Variants in LMBR1L observed in about 807,000 individuals in gnomAD.
The protein encoded by LMBR1L is protein LMBR1L.
Under a neutral mutation model 67.3 loss-of-function variants are expected in LMBR1L, and 47 were observed. The observed-to-expected ratio is 0.70, with a 90% CI of 0.55 to 0.89. The LOEUF is 0.89. LMBR1L is among the 40% of genes least tolerant of loss of function. The probability of loss-of-function intolerance (pLI) is 0.00; values close to 1 mark genes in which losing one functional copy is unlikely to be tolerated. For missense variants in LMBR1L, 533 were observed against 599.2 expected (o/e 0.89, Z 1.15); for synonymous variants, 247 against 250.3 (o/e 0.99, Z 0.13).
Position 49,100,373 on chromosome 12 carries a change from C to T in LMBR1L, c.1240+15G>A. ...AAAAAATCCAATTCCTTTATCTCCTCCTTTCAATACTTACCCAGGGTTCGA... is the reference window on the plus strand; with the variant it reads ...AAAAAATCCAATTCCTTTATCTCCTTCTTTCAATACTTACCCAGGGTTCGA... On this transcript the variant is annotated intron_variant, in intron 15 of 16. Coordinates refer to ENST00000267102, the MANE Select transcript of LMBR1L (RefSeq NM_018113.4). 6.3e-7 allele frequency: 1 copy of T among 1,588,828 alleles called. No homozygotes were observed. The highest frequency in any genetic ancestry group is 8.5e-7 in the Non-Finnish European group (1 of 1,172,164).
At position 49,110,634 on chromosome 12, in the gene LMBR1L, C is replaced by T. The variant is rs1439822774; in HGVS notation, c.-79G>A. On this transcript the variant is annotated 5_prime_UTR_variant, in exon 1 of 17. Coordinates refer to ENST00000267102, the MANE Select transcript of LMBR1L (RefSeq NM_018113.4). The stretch of plus-strand genomic sequence containing the variant: ...CGGGGAGGAAGCCGCCGCCGCCAAG[C>T]ACCCAGACCCAGCCTAGGGGCCTTT... 7.9e-7 allele frequency: 1 copy of T among 1,272,164 alleles called. No homozygotes were observed. The allele number at this position is 1,272,164 out of a possible 1,614,324, so 78.8% of individuals were successfully genotyped here. A position where few individuals can be genotyped will look rare whatever the true frequency, so the allele number is the denominator to read the frequency against.
At chr12:49,100,714 C>G (rs2120922196) in intron 13 of LMBR1L, 68 bp from the exon 14 acceptor site, 1 of 1,186,958 alleles carries the variant, frequency 8.4e-7, no homozygotes, top group Non-Finnish European at 1.2e-6. Context: ...GGGAACAGAG[C>G]TCTCTCCCAG....
In LMBR1L at chr12:49,104,431, A is replaced by G. The variant is rs1455523249; in HGVS notation, c.435+17T>C. The G allele has an allele frequency of 6.6e-7, 1 of 1,521,162 alleles. No homozygotes were observed. Among genetic ancestry groups the G allele is most frequent in the South Asian group, 1.1e-5 (1 of 88,882 alleles). 94.2% of individuals were successfully genotyped at this position (1,521,162 alleles called of 1,614,324 possible). A position where few individuals can be genotyped will look rare whatever the true frequency, so the allele number is the denominator to read the frequency against. On this transcript the variant is annotated intron_variant, in intron 5 of 16. Coordinates refer to ENST00000267102, the MANE Select transcript of LMBR1L (RefSeq NM_018113.4). ...GTGGAATTCCGTTTCCTGCCTGGAT[A>G]CATATCCCCTACTTACCTTTCTGGA...
chr12:49,110,545 G>A lies in LMBR1L; in HGVS notation c.11C>T (p.Pro4Leu). 6.2e-7 allele frequency: 1 copy of A among 1,613,980 alleles called. No homozygotes were observed. The highest frequency in any genetic ancestry group is 1.1e-5 in the South Asian group (1 of 91,080). MEA[P>L]DYEVLSVREQ... ...TCGCACGGATAGCACTTCGTAGTCA[G>A]GTGCTTCCATACTCTGCTCAGCATG... The change falls in exon 1 of 17, where the codon CCT becomes CTT. Residue 4 changes from proline to leucine, a missense_variant. Physicochemically the swap from Pro to Leu is moderately conservative, Grantham distance 98. This residue lies in a region of LMBR1L where 246 missense variants were observed against 249.0 expected (regional missense o/e 0.99). Transcript: ENST00000267102.
chr12:49,100,327 C>T (rs2120913321), intron 15 of LMBR1L, 61 bp downstream of exon 15: 1 of 1,305,880 alleles, frequency 7.7e-7, no homozygotes, highest in Non-Finnish European at 1.1e-6. Flanking sequence ...AAAGTGCCTG[C>T]TTTGCATCAG....
intron 16 of LMBR1L, 52 bp downstream of exon 16, chr12:49,097,892 T>C (rs1437432753): frequency 1.3e-6 from 2 of 1,588,934 alleles, no homozygotes; most frequent in Admixed American, 1.7e-5. Context: ...TGTTCCAGAG[T>C]GTCCTAGATG....
At chr12:49,103,615 ACAGTCATTC>A in intron 6 of LMBR1L, 63 bp downstream of exon 6, 1 of 1,534,734 alleles carries the variant, frequency 6.5e-7, no homozygotes, top group Non-Finnish European at 8.8e-7. Flanking sequence ...TTAGAAGGTT[ACAGTCATTC>A]CAGGCAGGGG....
chr12:49,097,236 C>A lies in LMBR1L; in HGVS notation c.*436G>T, dbSNP rs894238847. Reference sequence around the variant, plus strand: ...TGGTCTTTCAGGTGGTCCAAAGCCCCTCCAGGATAGCACAGTGCTTAGGCT... The same window carrying A: ...TGGTCTTTCAGGTGGTCCAAAGCCCATCCAGGATAGCACAGTGCTTAGGCT... On this transcript the variant is annotated 3_prime_UTR_variant, in exon 17 of 17. Coordinates refer to ENST00000267102, the MANE Select transcript of LMBR1L (RefSeq NM_018113.4). 37 of 169,738 alleles carry A rather than the reference C, an allele frequency of 2.2e-4. 1 individual carries two copies. The highest frequency in any genetic ancestry group is 8.5e-4 in the African/African-American group (36 of 42,322). The allele number at this position is 169,738 out of a possible 1,614,324, so 10.5% of individuals were successfully genotyped here. A position where few individuals can be genotyped will look rare whatever the true frequency, so the allele number is the denominator to read the frequency against.
At chr12:49,108,560 TCAAAAAAAAAA>T (rs1941190402) in intron 1 of LMBR1L, among the ~76,000 whole-genome samples, 1 of 51,950 alleles carries the variant, frequency 1.9e-5, no homozygotes, top group Non-Finnish European at 3.2e-5. Flanking sequence ...AGACTGAGTC[TCAAAAAAAAAA>T]AAAAAAAAAA....
chr12:49,106,664 C>T (rs1940945871), intron 2 of LMBR1L: 1 of 1,328,018 alleles, frequency 7.5e-7, no homozygotes, highest in Non-Finnish European at 1.0e-6. Flanking sequence ...TTCAGGTTCA[C>T]AAAGGGCTTT....
Position 49,098,304 on chromosome 12 carries a change from G to A in LMBR1L, c.1241-199C>T, listed in dbSNP as rs999821604. 2.0e-5 allele frequency among the ~76,000 whole-genome samples: 3 copies of A among 152,156 alleles called. No individual in the cohort carries two copies. In the South Asian group the frequency reaches 6.2e-4, roughly 31 times the overall value. On this transcript the variant is annotated intron_variant, in intron 15 of 16. Transcript: ENST00000267102. The stretch of plus-strand genomic sequence containing the variant: ...CAGCAGCTAGGCTTGCTTCAACTTC[G>A]CTTCCAGAGTCTGGTATCTTCTCCT...
chr12:49,100,821 G>A, intron 13 of LMBR1L, 175 bp from the exon 14 acceptor site: 1 of 614,524 alleles, frequency 1.6e-6, no homozygotes, highest in Non-Finnish European at 2.9e-6. Context: ...TTGACCTTCT[G>A]GGCTTAAGCG....
At chr12:49,099,186 G>GT (rs1198474096) in intron 15 of LMBR1L, among the ~76,000 whole-genome samples, 1 of 149,364 alleles carries the variant, frequency 6.7e-6, no homozygotes, top group Non-Finnish European at 1.5e-5. Context: ...GAGTGCAGTG[G>GT]TACCATCTTG....
At chr12:49,109,284 G>A (rs1255165622) in intron 1 of LMBR1L, among the ~76,000 whole-genome samples, 3 of 152,104 alleles carry the variant, frequency 2.0e-5, no homozygotes, top group Non-Finnish European at 4.4e-5. Context: ...CCTCCAGCCC[G>A]ACACTGTCTC....
intron 7 of LMBR1L, 59 bp from the exon 8 acceptor site, chr12:49,103,010 GC>G (rs981109189): frequency 1.2e-6 from 2 of 1,604,066 alleles, no homozygotes; most frequent in African/African-American, 2.7e-5. Context: ...TCCCTAACAT[GC>G]CCCCCATTCC....
intron 1 of LMBR1L, among the ~76,000 whole-genome samples, chr12:49,109,128 G>A (rs925476475): frequency 1.3e-5 from 2 of 152,284 alleles, no homozygotes; most frequent in Middle Eastern, 3.4e-3. Context: ...CTAGATGAGA[G>A]CCAGGTGGGG....
At chr12:49,101,007 G>A (rs1415384183) in intron 13 of LMBR1L, 5 of 770,070 alleles carry the variant, frequency 6.5e-6, no homozygotes, top group Non-Finnish European at 9.8e-6. Context: ...AGGATTACAG[G>A]TGTGAGCCAC....
At chr12:49,105,123 G>C (rs1449091058) in intron 3 of LMBR1L, 1 of 512,978 alleles carries the variant, frequency 1.9e-6, no homozygotes, top group African/African-American at 1.9e-5. Context: ...ATGGGAACCT[G>C]GTCACCTGCC....
At chr12:49,104,669 G>C (rs765660202) in intron 4 of LMBR1L, 77 bp downstream of exon 4, 1 of 1,594,416 alleles carries the variant, frequency 6.3e-7, no homozygotes, top group Admixed American at 1.7e-5. Flanking sequence ...CTTGGCGCAC[G>C]GCTGCCTGAG....
Sources: gnomAD v4.1 joint callset for allele counts (sites outside exome capture counted in the v4.1 genomes callset) on GRCh38, gnomAD v4.1.1 for gene constraint, gnomAD v4.1.1 regional missense constraint, MANE v1.5 for transcripts, NCBI Gene and HGNC (gene_info 2026-07-23, HGNC 2026-07-21) for gene names.